Variants in FADS1 observed in about 807,000 individuals in gnomAD.
The protein encoded by FADS1 is fatty acid desaturase 1, also known as acyl-CoA (8-3)-desaturase.
In FADS1, 17 loss-of-function variants were observed where a neutral mutation model predicts 61.6. That is an observed-to-expected ratio of 0.28 (90% CI 0.19 to 0.41). The LOEUF is 0.41. Ranked by LOEUF, FADS1 falls within the 10% of genes least tolerant of loss-of-function variation. The probability of loss-of-function intolerance (pLI) is 1.00; values close to 1 mark genes in which losing one functional copy is unlikely to be tolerated. For missense variants in FADS1, 387 were observed against 650.9 expected (o/e 0.59, Z 4.41); for synonymous variants, 238 against 258.7 (o/e 0.92, Z 0.77).
chr11:61,802,881 G>A lies in FADS1; in HGVS notation c.1374C>T (p.Pro458=), dbSNP rs762270502. 1.2e-6 allele frequency: 2 copies of A among 1,614,178 alleles called. No individual in the cohort carries two copies. Among genetic ancestry groups the A allele is most frequent in the South Asian group, 2.2e-5 (2 of 91,072 alleles). ...GCTTGGCACACAAGGACTGCACCAG[G>A]GGAGCCACTTTGTGGTAATTGTGTC... is the stretch of plus-strand genomic sequence containing the variant. ...MPRHNYHKVA[P]LVQSLCAKHG... is the part of the protein sequence containing the mutation. The change falls in exon 11 of 12, where the codon CCC becomes CCT. Residue 458 remains proline (P), a synonymous_variant. Transcript: ENST00000350997. This position sits in a 1 kb window ranked among gnomAD's most constrained non-coding sequence, Gnocchi z 4.2.
At chr11:61,809,122 G>A (rs2066915376) in intron 5 of FADS1, among the ~76,000 whole-genome samples, 3 of 152,164 alleles carry the variant, frequency 2.0e-5, no homozygotes, top group South Asian at 2.1e-4. Context: ...CTGAACATCC[G>A]GGAGCCTCTG....
rs2066865197 is a variant in FADS1 at position 61,802,740 on chromosome 11, A to T, written c.1454+61T>A. 3 of 1,608,888 alleles carry T rather than the reference A, an allele frequency of 1.9e-6. No individual in the cohort carries two copies. In the Admixed American group the frequency reaches 5.0e-5, roughly 27 times the overall value. On this transcript the variant is annotated intron_variant, in intron 11 of 11. Transcript: ENST00000350997. This position sits in a 1 kb window ranked among gnomAD's most constrained non-coding sequence, Gnocchi z 4.2. Reference sequence around the variant, plus strand: ...TTCACTCCCCACCCTACATGTCATCATTTCCATTGCCCTGCCCTCTTCCCT... The same window carrying T: ...TTCACTCCCCACCCTACATGTCATCTTTTCCATTGCCCTGCCCTCTTCCCT...
intron 2 of FADS1, 30 bp downstream of exon 2, chr11:61,813,213 A>C (rs779891426): frequency 9.2e-6 from 12 of 1,303,544 alleles, no homozygotes; most frequent in Non-Finnish European, 1.2e-5. Context: ...AACAACCAAT[A>C]GTTGCGACAT....
chr11:61,814,644 G>A (rs897621628), intron 1 of FADS1: 4 of 152,224 alleles, frequency 2.6e-5, no homozygotes, highest in African/African-American at 9.7e-5. Flanking sequence ...AACTGGAGCG[G>A]GTTGCAGCAG....
chr11:61,803,219 A>T lies in FADS1; in HGVS notation c.1249-108T>A, dbSNP rs1182798502. ...GAAGGGACATGAGACTGTCTTGGTC[A>T]CTCCCTTCACATGGTTGCAGAACAA... is the stretch of plus-strand genomic sequence containing the variant. On this transcript the variant is annotated intron_variant, in intron 9 of 11. Transcript: ENST00000350997. This position sits in a 1 kb window ranked among gnomAD's most constrained non-coding sequence, Gnocchi z 4.3. The T allele has an allele frequency of 8.0e-7, 1 of 1,252,570 alleles. No individual in the cohort carries two copies. The highest frequency in any genetic ancestry group is 1.2e-6 in the Non-Finnish European group (1 of 856,884). 77.6% of individuals were successfully genotyped at this position (1,252,570 alleles called of 1,614,324 possible).
intron 1 of FADS1, chr11:61,814,548 TA>T (rs1234351947): frequency 6.6e-6 from 1 of 152,154 alleles, no homozygotes; most frequent in Non-Finnish European, 1.5e-5. Context: ...CTTAAAGGAA[TA>T]ACACTCTTTG....
At position 61,812,990 on chromosome 11, in the gene FADS1, TATGATAACAATG is replaced by T. The variant is rs547742675; in HGVS notation, c.486+241_486+252del. ...ATGCTTGGTGCATAGTAAGTGCTCA[TATGATAACAATG>T]ATGATAACAATGATGGCAGCCATGG... On this transcript the variant is annotated intron_variant, in intron 2 of 11. Coordinates refer to ENST00000350997, the MANE Select transcript of FADS1 (RefSeq NM_013402.7). Among the ~76,000 whole-genome samples the T allele has an allele frequency of 5.8e-4, 89 of 152,306 alleles. 2 individuals are homozygous for T. The South Asian group carries it at 0.011, about 19-fold the overall frequency.
In FADS1 at chr11:61,800,319, A is replaced by G. The variant is rs535851459; in HGVS notation, c.*2092T>C. 1 of 152,000 alleles carries G rather than the reference A, an allele frequency of 6.6e-6. No individual in the cohort carries two copies. The highest frequency in any genetic ancestry group is 2.4e-5 in the African/African-American group (1 of 41,290). The allele number at this position is 152,000 out of a possible 1,614,324, so 9.4% of individuals were successfully genotyped here. A position where few individuals can be genotyped will look rare whatever the true frequency, so the allele number is the denominator to read the frequency against. On this transcript the variant is annotated 3_prime_UTR_variant, in exon 12 of 12. Transcript: ENST00000350997. ...AGTGATCCTCCTGCCTGGACCTCCC[A>G]AAAGTGTTGGGATTACAGGCATGAG...
rs1287251151 is a variant in FADS1 at position 61,816,491 on chromosome 11, C to CT, written c.375+63dup. On this transcript the variant is annotated intron_variant, in intron 1 of 11. Coordinates refer to ENST00000350997, the MANE Select transcript of FADS1 (RefSeq NM_013402.7). This position sits in a 1 kb window ranked among gnomAD's most constrained non-coding sequence, Gnocchi z 7.0. The stretch of plus-strand genomic sequence containing the variant: ...GGTGTTTGGCTCGGAGTGCGTAACT[C>CT]TGTCTCCCCTGCACTCAGCCTCCGG... The CT allele has an allele frequency of 8.1e-6, 13 of 1,600,228 alleles. No individual in the cohort carries two copies. The highest frequency in any genetic ancestry group is 4.0e-5 in the African/African-American group (3 of 74,846).
In FADS1 at chr11:61,812,587, G is replaced by A. The variant is rs985194150; in HGVS notation, c.568C>T (p.Leu190=). The A allele has an allele frequency of 2.5e-6, 4 of 1,614,062 alleles. No individual in the cohort carries two copies. The Admixed American group carries it at 6.7e-5, about 27-fold the overall frequency. Residue 190 remains leucine, a synonymous_variant, in exon 3 of 12, where the codon CTG becomes TTG. Coordinates refer to ENST00000350997, the MANE Select transcript of FADS1 (RefSeq NM_013402.7). ...AGCAAGATGTGCAGCAGGTACAGCA[G>A]GAAGAAGACATGGTTGGCCTTCATG... ...GLMKANHVFF[L]LYLLHILLLD... is the part of the protein sequence containing the mutation.
chr11:61,816,925 C>T lies in FADS1; in HGVS notation c.5G>A (p.Gly2Glu), dbSNP rs1239360783. 1 of 1,394,542 alleles carries T rather than the reference C, an allele frequency of 7.2e-7. No homozygotes were observed. The highest frequency in any genetic ancestry group is 9.2e-7 in the Non-Finnish European group (1 of 1,084,294). The allele number at this position is 1,394,542 out of a possible 1,614,324, so 86.4% of individuals were successfully genotyped here. Residue 2 changes from glycine to glutamate, a missense_variant, in exon 1 of 12, where the codon GGA becomes GAA. Gly to Glu is a moderately conservative substitution (Grantham distance 98, BLOSUM62 -2). Transcript: ENST00000350997. The surrounding 1 kb of genome is among the most constrained non-coding windows in gnomAD (Gnocchi z 7.0). M[G>E]TRAARPAGLP... ...ACCGGCGGGCCTCGCAGCGCGCGTT[C>T]CCATTGGCCGAGCCTCGTGGCGCGG... is the stretch of plus-strand genomic sequence containing the variant.
chr11:61,803,919 G>A lies in FADS1; in HGVS notation c.1054-152C>T, dbSNP rs1180627839. ...GGGGTCCAATCCTGCAGTATCTAGT[G>A]CCACTGCTCCTTTCTTCCATTCCCA... is the stretch of plus-strand genomic sequence containing the variant. On this transcript the variant is annotated intron_variant, in intron 7 of 11. Coordinates refer to ENST00000350997, the MANE Select transcript of FADS1 (RefSeq NM_013402.7). This position sits in a 1 kb window ranked among gnomAD's most constrained non-coding sequence, Gnocchi z 4.3. 3 of 635,426 alleles carry A rather than the reference G, an allele frequency of 4.7e-6. No homozygotes were observed. The South Asian group carries it at 5.6e-5, about 12-fold the overall frequency. 39.4% of individuals were successfully genotyped at this position (635,426 alleles called of 1,614,324 possible). A position where few individuals can be genotyped will look rare whatever the true frequency, so the allele number is the denominator to read the frequency against.
chr11:61,808,945 G>A (rs916502613), intron 5 of FADS1, among the ~76,000 whole-genome samples: 11 of 152,160 alleles, frequency 7.2e-5, no homozygotes, highest in African/African-American at 2.7e-4. Flanking sequence ...CTTTTAAAGT[G>A]CAAAGCAGAT....
intron 3 of FADS1, chr11:61,811,786 A>G (rs1490196365): frequency 5.2e-6 from 2 of 381,484 alleles, no homozygotes; most frequent in African/African-American, 4.3e-5. Flanking sequence ...ACGGGGTTTC[A>G]CCATGTTGGC....
At position 61,816,737 on chromosome 11, in the gene FADS1, C is replaced by A. The variant is rs1565322810; in HGVS notation, c.193G>T (p.Ala65Ser). 1 of 1,555,682 alleles carries A rather than the reference C, an allele frequency of 6.4e-7. No individual in the cohort carries two copies. Among genetic ancestry groups the A allele is most frequent in the East Asian group, 2.4e-5 (1 of 41,650 alleles). ...RPAMAPDPVAAETAAQGPTPR... is the reference protein window; with the variant it reads ...RPAMAPDPVASETAAQGPTPR... ...GTAGGTCCCTGAGCCGCGGTCTCGG[C>A]GGCCACCGGGTCGGGGGCCATAGCT... Residue 65 changes from alanine to serine, a missense_variant, in exon 1 of 12, where the codon GCC (alanine) becomes TCC (serine). By Grantham distance (99) the Ala-to-Ser change is moderately conservative. This residue lies in a region of FADS1 where 130 missense variants were observed against 117.7 expected (regional missense o/e 1.10). Transcript: ENST00000350997. This position sits in a 1 kb window ranked among gnomAD's most constrained non-coding sequence, Gnocchi z 7.0.
rs1293149939 is a variant in FADS1, at chr11:61,802,042, G to A, written c.*369C>T. 1.7e-5 allele frequency: 4 copies of A among 242,016 alleles called. No individual in the cohort carries two copies. The highest frequency in any genetic ancestry group is 1.1e-4 in the South Asian group (2 of 17,664). The allele number at this position is 242,016 out of a possible 1,614,324, so 15.0% of individuals were successfully genotyped here. ...ATTACAGGCGCGTGCCACCACGCCC[G>A]GCATGAGTGGAATTTTAGTGTTAAA... is the stretch of plus-strand genomic sequence containing the variant. On this transcript the variant is annotated 3_prime_UTR_variant, in exon 12 of 12. Coordinates refer to ENST00000350997, the MANE Select transcript of FADS1 (RefSeq NM_013402.7). The surrounding 1 kb of genome is among the most constrained non-coding windows in gnomAD (Gnocchi z 4.2).
chr11:61,806,163 A>AC (rs1213507955), intron 6 of FADS1: 1 of 155,134 alleles, frequency 6.4e-6, no homozygotes, highest in African/African-American at 2.4e-5. Context: ...ACAAGGTGAA[A>AC]CCCCGTCTCT....
chr11:61,810,974 C>T lies in FADS1; in HGVS notation c.786G>A (p.Lys262=). 6.2e-7 allele frequency: 1 copy of T among 1,614,120 alleles called. No individual in the cohort carries two copies. Among genetic ancestry groups the T allele is most frequent in the Non-Finnish European group, 8.5e-7 (1 of 1,179,972 alleles). The part of the protein sequence containing the change: ...LLHHFVIGHL[K]GAPASWWNHM... ...GAGAGCTCCTCCCCATCCCACTGACCTTCAGGTGGCCAATCACAAAATGAT... is the reference window on the plus strand; with the variant it reads ...GAGAGCTCCTCCCCATCCCACTGACTTTCAGGTGGCCAATCACAAAATGAT... The change falls in exon 4 of 12, where the codon AAG becomes AAA. Residue 262 remains lysine, a splice_region_variant and synonymous_variant. Coordinates refer to ENST00000350997, the MANE Select transcript of FADS1 (RefSeq NM_013402.7).
Position 61,815,908 on chromosome 11 carries a change from T to C in FADS1, c.375+647A>G. ...GGGGGTCCTCGCTAAGTGTATGCCA[T>C]TCCCAATCCCTTATGTACGCCAGCG... On this transcript the variant is annotated intron_variant, in intron 1 of 11. Transcript: ENST00000350997. This position sits in a 1 kb window ranked among gnomAD's most constrained non-coding sequence, Gnocchi z 6.4. 1 of 297,154 alleles carries C rather than the reference T, an allele frequency of 3.4e-6. No homozygotes were observed. Among genetic ancestry groups the C allele is most frequent in the African/African-American group, 2.2e-5 (1 of 46,374 alleles). The allele number at this position is 297,154 out of a possible 1,614,324, so 18.4% of individuals were successfully genotyped here.
Sources: allele counts gnomAD v4.1 joint callset (sites outside exome capture counted in the v4.1 genomes callset), GRCh38; gene constraint gnomAD v4.1.1; regional missense constraint gnomAD v4.1.1; non-coding constraint Gnocchi (gnomAD v3.1); transcripts MANE v1.5; gene names NCBI Gene and HGNC (gene_info 2026-07-23, HGNC 2026-07-21).